Variants in MAF observed in about 807,000 individuals in gnomAD.
MAF encodes the protein MAF bZIP transcription factor.
In MAF, 10 loss-of-function variants were observed where a neutral mutation model predicts 22.0. That is an observed-to-expected ratio of 0.45 (90% CI 0.28 to 0.77). The LOEUF (loss-of-function observed/expected upper bound fraction) is 0.77. Among genes scored for constraint, MAF ranks in the 30% least tolerant of loss-of-function variants. The pLI is 0.12. For missense variants in MAF, 544 were observed against 548.4 expected, an observed-to-expected ratio of 0.99 and a Z score of 0.08; for synonymous variants, 337 against 255.8, an observed-to-expected ratio of 1.32 and a Z score of -3.03.
the MAF span, among the ~76,000 whole-genome samples, chr16:79,491,733 C>A: frequency 6.6e-6 from 1 of 152,140 alleles, no homozygotes. Context: ...TGTGCTTACC[C>A]AAATCTAATA....
the MAF span, among the ~76,000 whole-genome samples, chr16:79,518,007 C>T: frequency 2.0e-5 from 3 of 152,292 alleles, no homozygotes; most frequent in Admixed American, 1.3e-4. Flanking sequence ...TGCTTTTCCT[C>T]GTTGTGCTAC....
the MAF span, among the ~76,000 whole-genome samples, chr16:79,491,346 A>C: frequency 6.6e-6 from 1 of 152,114 alleles, no homozygotes; most frequent in Admixed American, 6.5e-5. Flanking sequence ...TGTGGATAGA[A>C]CCCTTGGTCT....
chr16:79,554,072 G>C, the MAF span, among the ~76,000 whole-genome samples: 1 of 151,924 alleles, frequency 6.6e-6, no homozygotes, highest in East Asian at 1.9e-4. Context: ...CTGGGTGACA[G>C]AGTAAGACTG....
the MAF span, among the ~76,000 whole-genome samples, chr16:79,265,409 C>T: frequency 1.3e-5 from 2 of 152,148 alleles, no homozygotes; most frequent in Non-Finnish European, 2.9e-5. Flanking sequence ...TCTCACTTCT[C>T]TCTTTCGCCA....
the MAF span, among the ~76,000 whole-genome samples, chr16:79,364,619 T>C: frequency 1.3e-5 from 2 of 152,326 alleles, no homozygotes; most frequent in East Asian, 3.9e-4. Context: ...AGCAAAAAGT[T>C]AGCATGCTCC....
chr16:79,207,369 C>G, the MAF span, among the ~76,000 whole-genome samples: 1 of 152,240 alleles, frequency 6.6e-6, no homozygotes, highest in African/African-American at 2.4e-5. Context: ...CTTCAGATCA[C>G]CACTTTGTCC....
At chr16:79,479,674 T>C in the MAF span, among the ~76,000 whole-genome samples, 13 of 152,364 alleles carry the variant, frequency 8.5e-5, no homozygotes, top group South Asian at 2.5e-3. Context: ...TGAAAACTCT[T>C]CCTACCTTAT....
chr16:79,383,176 C>T, the MAF span, among the ~76,000 whole-genome samples: 1 of 152,078 alleles, frequency 6.6e-6, no homozygotes, highest in Non-Finnish European at 1.5e-5. Flanking sequence ...GAAAGAAATG[C>T]TCAGACTGGA....
the MAF span, chr16:79,211,984 A>AAAGTG: frequency 5.2e-6 from 8 of 1,536,064 alleles, no homozygotes; most frequent in Non-Finnish European, 7.0e-6. Context: ...GGGGTAAAGT[A>AAAGTG]TCACTTTTCT....
intron 1 of MAF, chr16:79,585,945 A>C: frequency 7.4e-6 from 5 of 679,424 alleles, no homozygotes; most frequent in Non-Finnish European, 7.9e-6. Context: ...TGGGTACCTG[A>C]TTTAGTAAAT....
the MAF span, among the ~76,000 whole-genome samples, chr16:79,468,903 T>G: frequency 6.6e-6 from 1 of 152,176 alleles, no homozygotes; most frequent in Non-Finnish European, 1.5e-5. Context: ...ATCCTCCTGC[T>G]TGCTTTGATT....
chr16:79,424,653 A>T, the MAF span, among the ~76,000 whole-genome samples: 1 of 152,182 alleles, frequency 6.6e-6, no homozygotes, highest in African/African-American at 2.4e-5. Flanking sequence ...CAATTGCTGG[A>T]GTAGCCAGCT....
chr16:79,345,651 C>G, the MAF span, among the ~76,000 whole-genome samples: 12 of 136,048 alleles, frequency 8.8e-5, no homozygotes, highest in East Asian at 6.5e-4. Flanking sequence ...GTGCTTGAAC[C>G]TCGTAGGTGG....
the MAF span, among the ~76,000 whole-genome samples, chr16:79,208,859 A>C: frequency 6.6e-6 from 1 of 152,304 alleles, no homozygotes; most frequent in South Asian, 2.1e-4. Flanking sequence ...CAAGAGACCA[A>C]AGGTGTGGTG....
the MAF span, among the ~76,000 whole-genome samples, chr16:79,223,902 G>A: frequency 6.6e-6 from 1 of 152,050 alleles, no homozygotes; most frequent in African/African-American, 2.4e-5. Flanking sequence ...CAGGACCAGA[G>A]GGATTCAAAG....
At chr16:79,268,763 A>T in the MAF span, among the ~76,000 whole-genome samples, 2 of 152,216 alleles carry the variant, frequency 1.3e-5, no homozygotes, top group Non-Finnish European at 2.9e-5. Context: ...CCCAATCCTG[A>T]GAAAGAAATT....
At chr16:79,565,579 G>A in the MAF span, among the ~76,000 whole-genome samples, 4 of 152,158 alleles carry the variant, frequency 2.6e-5, no homozygotes, top group East Asian at 7.8e-4. Context: ...GTGATAGTGA[G>A]TTCTCATGAG....
At chr16:79,272,836 T>G in the MAF span, among the ~76,000 whole-genome samples, 1 of 152,208 alleles carries the variant, frequency 6.6e-6, no homozygotes, top group South Asian at 2.1e-4. Context: ...ACCTGATTCC[T>G]TTGGTCTTGG....
the MAF span, among the ~76,000 whole-genome samples, chr16:79,226,029 G>C: frequency 6.6e-6 from 1 of 152,140 alleles, no homozygotes; most frequent in African/African-American, 2.4e-5. Flanking sequence ...CCATTACTGG[G>C]TATATACCCA....
Sources: gnomAD v4.1 joint callset for allele counts (sites outside exome capture counted in the v4.1 genomes callset) on GRCh38, gnomAD v4.1.1 for gene constraint, MANE v1.5 for transcripts, NCBI Gene and HGNC (gene_info 2026-07-23, HGNC 2026-07-21) for gene names.